FAM169A: variants seen among roughly 807,000 people sequenced by gnomAD.
FAM169A encodes the protein family with sequence similarity 169 member A.
FAM169A carries 24 observed loss-of-function variants against 75.7 expected under a neutral mutation model. That is an observed-to-expected ratio of 0.32 (90% CI 0.23 to 0.45). The LOEUF is 0.45. FAM169A is among the 20% of genes least tolerant of loss of function. The pLI is 1.00. For synonymous variants in FAM169A, 271 were observed against 271.0 expected (o/e 1.00, Z 0.00); for missense variants, 673 against 784.0 (o/e 0.86, Z 1.69).
At position 74,800,963 on chromosome 5, in the gene FAM169A, C is replaced by T. The variant is rs774384661; in HGVS notation, c.1020G>A (p.Lys340=). The change falls in exon 10 of 13, where the codon AAG becomes AAA. Residue 340 remains lysine (K), a synonymous_variant. Transcript: ENST00000687041. ...SGNLKRPKIG[K]RFQDSEFSSS... ...TGCTAAATTCAGAATCCTGAAACCG[C>T]TTTCCAATCTTTGGCCGCTTTAGAT... 1.3e-6 allele frequency: 2 copies of T among 1,562,554 alleles called. No homozygotes were observed. Among genetic ancestry groups the T allele is most frequent in the Non-Finnish European group, 1.7e-6 (2 of 1,153,764 alleles).
rs925740607 is a variant in FAM169A, at chr5:74,866,209, G to A, written c.-48C>T. ...CCGCTGGAAGAGCCCGGGAAAGGAG[G>A]CGGAGCCGCGCGAATGAATGGAGCC... is the stretch of plus-strand genomic sequence containing the variant. On this transcript the variant is annotated 5_prime_UTR_variant, in exon 1 of 13. Coordinates refer to ENST00000687041, the MANE Select transcript of FAM169A (RefSeq NM_001376049.1). 21 of 984,242 alleles carry A rather than the reference G, an allele frequency of 2.1e-5. No individual in the cohort carries two copies. The highest frequency in any genetic ancestry group is 2.2e-5 in the Non-Finnish European group (18 of 829,598). 61.0% of individuals were successfully genotyped at this position (984,242 alleles called of 1,614,324 possible).
chr5:74,827,244 A>C (rs1748078471), intron 5 of FAM169A, among the ~76,000 whole-genome samples: 1 of 152,168 alleles, frequency 6.6e-6, no homozygotes, highest in African/African-American at 2.4e-5. Context: ...GAAAAACAAA[A>C]CTATTACACC....
intron 10 of FAM169A, among the ~76,000 whole-genome samples, chr5:74,797,809 G>A (rs557932257): frequency 5.3e-5 from 8 of 152,174 alleles, no homozygotes; most frequent in African/African-American, 1.2e-4. Context: ...TTTAGGCATC[G>A]TGGGCCATAT....
At chr5:74,839,706 T>C (rs574510961) in intron 3 of FAM169A, among the ~76,000 whole-genome samples, 1 of 152,016 alleles carries the variant, frequency 6.6e-6, no homozygotes. Context: ...GTATTTTTAG[T>C]AGAGACAGGG....
rs1745315977 is a variant in FAM169A at position 74,779,676 on chromosome 5, C to T, written c.*1784G>A. ...GTTGAAAAAATAAATGGCCAAAGTG[C>T]TTTAATTTTCATTTAGAATGAAATA... On this transcript the variant is annotated 3_prime_UTR_variant, in exon 13 of 13. Coordinates refer to ENST00000687041, the MANE Select transcript of FAM169A (RefSeq NM_001376049.1). 6.6e-6 allele frequency: 1 copy of T among 151,418 alleles called. No individual in the cohort carries two copies. Among genetic ancestry groups the T allele is most frequent in the Non-Finnish European group, 1.5e-5 (1 of 67,896 alleles). The allele number at this position is 151,418 out of a possible 1,614,324, so 9.4% of individuals were successfully genotyped here.
chr5:74,782,887 A>G, intron 12 of FAM169A, 44 bp downstream of exon 12: 1 of 1,476,544 alleles, frequency 6.8e-7, no homozygotes. Flanking sequence ...TAATGTCACC[A>G]ACATTGGTAA....
chr5:74,826,226 A>G (rs1041849597), intron 5 of FAM169A, among the ~76,000 whole-genome samples: 21 of 152,054 alleles, frequency 1.4e-4, no homozygotes, highest in Non-Finnish European at 2.6e-4. Flanking sequence ...TAAGGGCCAC[A>G]TTTTTTGCAT....
intron 6 of FAM169A, among the ~76,000 whole-genome samples, chr5:74,813,584 C>T (rs1263358519): frequency 6.6e-6 from 1 of 152,012 alleles, no homozygotes; most frequent in Non-Finnish European, 1.5e-5. Flanking sequence ...CCTCAGCCTC[C>T]CAAAGTGCTG....
intron 1 of FAM169A, among the ~76,000 whole-genome samples, chr5:74,862,444 G>A (rs956111210): frequency 6.6e-6 from 1 of 152,182 alleles, no homozygotes; most frequent in Non-Finnish European, 1.5e-5. Flanking sequence ...CTTCTGACAA[G>A]TTCTCACTCA....
chr5:74,791,136 G>A (rs1218962591), intron 11 of FAM169A, among the ~76,000 whole-genome samples: 4 of 152,160 alleles, frequency 2.6e-5, no homozygotes, highest in Non-Finnish European at 5.9e-5. Context: ...TCATCTTGAA[G>A]CAGCTGGATT....
intron 6 of FAM169A, among the ~76,000 whole-genome samples, 183 bp from the exon 7 acceptor site, chr5:74,805,467 C>T (rs1188514195): frequency 6.7e-6 from 1 of 149,550 alleles, no homozygotes; most frequent in Non-Finnish European, 1.5e-5. Flanking sequence ...AAATAAAAAT[C>T]CCAAATAAAA....
intron 4 of FAM169A, among the ~76,000 whole-genome samples, chr5:74,835,516 C>A (rs1748526163): frequency 6.8e-6 from 1 of 147,882 alleles, no homozygotes; most frequent in Non-Finnish European, 1.5e-5. Flanking sequence ...GGGGGAAGAT[C>A]ACTTGAGCGC....
At position 74,781,844 on chromosome 5, in the gene FAM169A, A is replaced by G. The variant is rs1220537862; in HGVS notation, c.1629T>C (p.Phe543=). The change falls in exon 13 of 13, where the codon TTT becomes TTC. Residue 543 remains phenylalanine, a synonymous_variant. Coordinates refer to ENST00000687041, the MANE Select transcript of FAM169A (RefSeq NM_001376049.1). ...AAAATTCAGCTATCACAGAGTTTGG[A>G]AAACCACCATCAGATCGTTCTTCAT... ...MSNEERSDGG[F]PNSVIAEFSE... 5.0e-6 allele frequency: 8 copies of G among 1,614,010 alleles called. No homozygotes were observed. The African/African-American group carries it at 1.1e-4, about 22-fold the overall frequency.
At position 74,839,018 on chromosome 5, in the gene FAM169A, C is replaced by A. The variant is rs771647990; in HGVS notation, c.265G>T (p.Ala89Ser). 12 of 1,613,698 alleles carry A rather than the reference C, an allele frequency of 7.4e-6. No homozygotes were observed. The South Asian group carries it at 1.3e-4, about 18-fold the overall frequency. ...GATGTTTTCACAATATCATCAATAGCCCACCACTGATCAGCAAGGTAAAGT... is the reference window on the plus strand; with the variant it reads ...GATGTTTTCACAATATCATCAATAGACCACCACTGATCAGCAAGGTAAAGT... ...VALYLADQWW[A>S]IDDIVKTSVP... The change falls in exon 4 of 13, where the codon GCT becomes TCT. Residue 89 changes from alanine (A) to serine (S), a missense_variant. Physicochemically the swap from Ala to Ser is moderately conservative, Grantham distance 99. Around this residue, in one of 3 missense-constraint regions of FAM169A, gnomAD observed 107 missense variants for 180.8 expected, o/e 0.59. Coordinates refer to ENST00000687041, the MANE Select transcript of FAM169A (RefSeq NM_001376049.1).
chr5:74,787,913 T>C (rs889428299), intron 11 of FAM169A, among the ~76,000 whole-genome samples: 3 of 151,980 alleles, frequency 2.0e-5, no homozygotes, highest in African/African-American at 7.3e-5. Context: ...AGCCCCTCAA[T>C]TTCCAGACTT....
chr5:74,792,157 T>A (rs912690609), intron 11 of FAM169A, among the ~76,000 whole-genome samples: 1 of 152,192 alleles, frequency 6.6e-6, no homozygotes, highest in Non-Finnish European at 1.5e-5. Flanking sequence ...TTATGTATGA[T>A]CTCAGCAAGT....
At chr5:74,856,384 T>C (rs1749706236) in intron 1 of FAM169A, among the ~76,000 whole-genome samples, 1 of 152,230 alleles carries the variant, frequency 6.6e-6, no homozygotes, top group African/African-American at 2.4e-5. Context: ...AATATGAACA[T>C]GTTGACAATA....
chr5:74,857,078 C>CA (rs1749748172), intron 1 of FAM169A, among the ~76,000 whole-genome samples: 1 of 137,858 alleles, frequency 7.3e-6, no homozygotes, highest in Non-Finnish European at 1.5e-5. Flanking sequence ...CACTGCACTC[C>CA]AGCCTGGGCC....
At chr5:74,782,878 A>G (rs1333138594) in intron 12 of FAM169A, 53 bp downstream of exon 12, 10 of 1,384,624 alleles carry the variant, frequency 7.2e-6, no homozygotes, top group East Asian at 6.9e-5. Context: ...CCTCCTCGCT[A>G]ATGTCACCAA....
Sources: allele counts gnomAD v4.1 joint callset (sites outside exome capture counted in the v4.1 genomes callset), GRCh38; gene constraint gnomAD v4.1.1; regional missense constraint gnomAD v4.1.1; transcripts MANE v1.5; gene names NCBI Gene and HGNC (gene_info 2026-07-23, HGNC 2026-07-21).